Variants in RYR2 observed in about 807,000 individuals in gnomAD.
RYR2 encodes the protein ryanodine receptor 2, also known as cardiac muscle ryanodine receptor-calcium release channel.
A neutral mutation model predicts 601.1 loss-of-function variants in RYR2; 227 were observed. That is an observed-to-expected ratio of 0.38 (90% CI 0.34 to 0.42). The LOEUF (loss-of-function observed/expected upper bound fraction) is 0.42. Ranked by LOEUF, RYR2 falls within the 10% of genes least tolerant of loss-of-function variation. The pLI, the probability that RYR2 is intolerant of heterozygous loss-of-function variation, is 1.00. For missense variants in RYR2, 4,646 were observed against 6,156.5 expected, an observed-to-expected ratio of 0.75 and a Z score of 8.21; for synonymous variants, 2,223 against 2,175.1, an observed-to-expected ratio of 1.02 and a Z score of -0.61.
chr1:237,061,250 TATC>T (rs78789569), intron 1 of RYR2, among the ~76,000 whole-genome samples: 22,353 of 110,146 alleles, frequency 0.2, 2,228 homozygotes, highest in Middle Eastern at 0.35. Context: ...TCTATCTATC[TATC>T]ATCTATCTAT....
chr1:237,217,550 A>G (rs1683325030), intron 1 of RYR2, among the ~76,000 whole-genome samples: 1 of 152,060 alleles, frequency 6.6e-6, no homozygotes, highest in Non-Finnish European at 1.5e-5. Context: ...TTCTCTGTCA[A>G]ATGGGAATAA....
chr1:237,634,379 A>G (rs899049441), intron 43 of RYR2, among the ~76,000 whole-genome samples: 12 of 152,222 alleles, frequency 7.9e-5, no homozygotes, highest in African/African-American at 2.4e-4. Context: ...CAAAAACCAC[A>G]TGATCTCACT....
At chr1:237,566,324 C>G (rs1187196366) in intron 27 of RYR2, among the ~76,000 whole-genome samples, 1 of 152,162 alleles carries the variant, frequency 6.6e-6, no homozygotes, top group East Asian at 1.9e-4. Flanking sequence ...GACTCATTCC[C>G]CAGTCTCTCC....
intron 1 of RYR2, among the ~76,000 whole-genome samples, chr1:237,111,994 G>A (rs186251688): frequency 6.6e-6 from 1 of 152,342 alleles, no homozygotes; most frequent in East Asian, 1.9e-4. Flanking sequence ...TTGGTTGGGG[G>A]TGGGTGGTGG....
intron 27 of RYR2, 39 bp downstream of exon 27, chr1:237,550,730 T>C: frequency 6.5e-7 from 1 of 1,528,480 alleles, no homozygotes; most frequent in Non-Finnish European, 8.8e-7. Context: ...GGTTGCAAGA[T>C]GATGTAGTAG....
chr1:237,422,111 T>C lies in RYR2; in HGVS notation c.849-981T>C, dbSNP rs140223157. Among the ~76,000 whole-genome samples, 1,303 of 152,294 alleles carry C rather than the reference T, an allele frequency of 8.6e-3. 27 individuals are homozygous for C. The highest frequency in any genetic ancestry group is 0.03 in the African/African-American group (1,252 of 41,556). ...AGTCATGCACGATAGAACTGTGCCA[T>C]CACTCTGCACCTTAGCATGGTTAAA... On this transcript the variant is annotated intron_variant, in intron 11 of 104. Coordinates refer to ENST00000366574, the MANE Select transcript of RYR2 (RefSeq NM_001035.3).
chr1:237,220,969 G>A (rs1458618240), intron 1 of RYR2, among the ~76,000 whole-genome samples: 1 of 152,052 alleles, frequency 6.6e-6, no homozygotes, highest in Non-Finnish European at 1.5e-5. Context: ...GGTGGTGGGT[G>A]CCCGTAATCC....
chr1:237,783,344 T>C (rs574804706), intron 89 of RYR2, among the ~76,000 whole-genome samples: 3 of 151,420 alleles, frequency 2.0e-5, no homozygotes, highest in South Asian at 4.2e-4. Context: ...ATGTTTATTT[T>C]TATTATTAAT....
At position 237,106,689 on chromosome 1, in the gene RYR2, C is replaced by T. The variant is rs763955867; in HGVS notation, c.48+64120C>T. Among the ~76,000 whole-genome samples, 10 of 152,176 alleles carry T rather than the reference C, an allele frequency of 6.6e-5. No homozygotes were observed. Among genetic ancestry groups the T allele is most frequent in the East Asian group, 3.9e-4 (2 of 5,192 alleles). ...GTCCCTTTTTCAGACATGGCACCTT[C>T]GTCCATTTGGGCTGCTATAACAAAA... is the stretch of plus-strand genomic sequence containing the variant. On this transcript the variant is annotated intron_variant, in intron 1 of 104. Coordinates refer to ENST00000366574, the MANE Select transcript of RYR2 (RefSeq NM_001035.3). The surrounding 1 kb of genome is among the most constrained non-coding windows in gnomAD (Gnocchi z 4.4).
At chr1:237,791,961 T>C in intron 93 of RYR2, 144 bp from the exon 94 acceptor site, 1 of 641,056 alleles carries the variant, frequency 1.6e-6, no homozygotes. Flanking sequence ...AAGCTATCGT[T>C]TTTAGCCTTT....
chr1:237,369,452 C>A, intron 5 of RYR2, 82 bp from the exon 6 acceptor site: 1 of 1,180,552 alleles, frequency 8.5e-7, no homozygotes, highest in Non-Finnish European at 1.2e-6. Flanking sequence ...CCTTTGAGAG[C>A]AAGAGAGTAT....
At chr1:237,565,139 C>G (rs199852415) in intron 27 of RYR2, among the ~76,000 whole-genome samples, 2 of 51,770 alleles carry the variant, frequency 3.9e-5, no homozygotes, top group Non-Finnish European at 1.0e-4. Flanking sequence ...TTCTTTCTTT[C>G]TTTTTCTTTC....
At chr1:237,147,640 A>C (rs1674166427) in intron 1 of RYR2, among the ~76,000 whole-genome samples, 1 of 152,238 alleles carries the variant, frequency 6.6e-6, no homozygotes, top group Non-Finnish European at 1.5e-5. Flanking sequence ...CCTCATGGTG[A>C]ATACATCATG....
At chr1:237,781,799 A>G (rs748920293) in intron 89 of RYR2, among the ~76,000 whole-genome samples, 153 bp downstream of exon 89, 26 of 152,140 alleles carry the variant, frequency 1.7e-4, no homozygotes, top group Non-Finnish European at 3.2e-4. Flanking sequence ...TTTTTCTCAC[A>G]TTAGTTTTTT....
intron 56 of RYR2, among the ~76,000 whole-genome samples, chr1:237,666,228 G>A (rs190382631): frequency 2.0e-4 from 31 of 152,256 alleles, no homozygotes; most frequent in African/African-American, 7.2e-4. Context: ...AAAATGTAAT[G>A]ATCCTCTGCA....
At chr1:237,706,773 G>A (rs900881055) in intron 67 of RYR2, among the ~76,000 whole-genome samples, 176 bp from the exon 68 acceptor site, 2 of 152,246 alleles carry the variant, frequency 1.3e-5, no homozygotes, top group South Asian at 2.1e-4. Context: ...GGAACTTAGG[G>A]GAAAGAGAGA....
intron 3 of RYR2, among the ~76,000 whole-genome samples, chr1:237,332,904 G>A (rs1408501252): frequency 8.7e-6 from 1 of 115,542 alleles, no homozygotes; most frequent in Non-Finnish European, 2.2e-5. Context: ...CTGGTCTTGA[G>A]CTCCTGAGCT....
chr1:237,193,197 G>A (rs1344658122), intron 1 of RYR2, among the ~76,000 whole-genome samples: 1 of 131,522 alleles, frequency 7.6e-6, no homozygotes, highest in Admixed American at 8.0e-5. Context: ...CGGGTGCGGT[G>A]GCTCAAGTCT....
At chr1:237,741,729 G>A (rs552400890) in intron 79 of RYR2, among the ~76,000 whole-genome samples, 10 of 152,186 alleles carry the variant, frequency 6.6e-5, no homozygotes, top group African/African-American at 1.9e-4. Context: ...AGCCTCCCGA[G>A]TAGCTGGCAT....
Sources: gnomAD v4.1 joint callset for allele counts (sites outside exome capture counted in the v4.1 genomes callset) on GRCh38, gnomAD v4.1.1 for gene constraint, Gnocchi (gnomAD v3.1) non-coding constraint, MANE v1.5 for transcripts, NCBI Gene and HGNC (gene_info 2026-07-23, HGNC 2026-07-21) for gene names.